PCDHA7: variants seen among roughly 807,000 people sequenced by gnomAD.
PCDHA7 encodes protocadherin alpha 7.
PCDHA7 carries 37 observed loss-of-function variants against 57.2 expected under a neutral mutation model. The ratio of observed to expected loss-of-function variants is 0.65; its 90% CI spans 0.50 to 0.85. The LOEUF (loss-of-function observed/expected upper bound fraction) is 0.85. PCDHA7 is among the 40% of genes least tolerant of loss of function. PCDHA7 has a pLI of 0.00. For synonymous variants in PCDHA7, 553 were observed against 558.8 expected, an observed-to-expected ratio of 0.99 and a Z score of 0.15; for missense variants, 1,188 against 1,241.8, an observed-to-expected ratio of 0.96 and a Z score of 0.65.
chr5:140,842,875 C>A (rs2150347019), intron 1 of PCDHA7: 1 of 1,593,980 alleles, frequency 6.3e-7, no homozygotes, highest in Non-Finnish European at 8.6e-7. Flanking sequence ...GCAAGGTGTA[C>A]GCGCTGCAGC....
intron 1 of PCDHA7, among the ~76,000 whole-genome samples, chr5:140,962,792 T>C (rs1554226245): frequency 6.6e-6 from 1 of 152,234 alleles, no homozygotes; most frequent in African/African-American, 2.4e-5. Context: ...AAAAACTACT[T>C]TGGACAACTC....
At chr5:140,940,055 C>G (rs1179353318) in intron 1 of PCDHA7, among the ~76,000 whole-genome samples, 1 of 152,064 alleles carries the variant, frequency 6.6e-6, no homozygotes, top group Non-Finnish European at 1.5e-5. Context: ...GATTCTTAAC[C>G]AAATATAAAT....
intron 1 of PCDHA7, chr5:140,853,297 G>A: frequency 2.0e-6 from 2 of 981,768 alleles, no homozygotes; most frequent in African/African-American, 3.5e-5. Context: ...TCTCAGAAGG[G>A]CTGTGAACAC....
intron 1 of PCDHA7, among the ~76,000 whole-genome samples, chr5:140,924,841 G>C (rs891279703): frequency 1.1e-4 from 17 of 151,378 alleles, no homozygotes; most frequent in South Asian, 2.1e-4. Context: ...GTTGCAGGGA[G>C]CTCAGATCGT....
intron 1 of PCDHA7, among the ~76,000 whole-genome samples, chr5:140,894,240 ATTTTC>A (rs2064382890): frequency 6.6e-6 from 1 of 151,828 alleles, no homozygotes; most frequent in African/African-American, 2.4e-5. Flanking sequence ...TGACAATGTA[ATTTTC>A]TTTTCTTTAC....
At chr5:140,911,312 T>C (rs2075424091) in intron 1 of PCDHA7, among the ~76,000 whole-genome samples, 1 of 152,154 alleles carries the variant, frequency 6.6e-6, no homozygotes, top group African/African-American at 2.4e-5. Context: ...CCATTCCAAG[T>C]TTCAGGATCC....
intron 1 of PCDHA7, among the ~76,000 whole-genome samples, chr5:140,886,622 C>T (rs1483241958): frequency 6.6e-6 from 1 of 151,430 alleles, no homozygotes; most frequent in Non-Finnish European, 1.5e-5. Context: ...GATCAGGAGT[C>T]CGAGACCAGC....
chr5:140,966,953 C>A, intron 1 of PCDHA7: 1 of 1,603,802 alleles, frequency 6.2e-7, no homozygotes. Flanking sequence ...CAACGTGGCT[C>A]GCGCGCTGGG....
At chr5:140,974,040 T>C (rs1554235767) in intron 1 of PCDHA7, among the ~76,000 whole-genome samples, 2 of 152,260 alleles carry the variant, frequency 1.3e-5, no homozygotes, top group African/African-American at 4.8e-5. Context: ...TTTAGCTTAT[T>C]AATATGATAA....
chr5:140,869,809 A>G, intron 1 of PCDHA7: 15 of 1,612,564 alleles, frequency 9.3e-6, no homozygotes, highest in Non-Finnish European at 1.3e-5. Flanking sequence ...CTTGGATGTC[A>G]ACGACAATGA....
At chr5:140,960,748 A>C (rs1408249489) in intron 1 of PCDHA7, among the ~76,000 whole-genome samples, 1 of 152,008 alleles carries the variant, frequency 6.6e-6, no homozygotes, top group Non-Finnish European at 1.5e-5. Flanking sequence ...TCCATGGCTA[A>C]AATCCCAAGA....
rs957445106 is a variant in PCDHA7, at chr5:140,980,862, G to A, written c.2415-1613G>A. Among the ~76,000 whole-genome samples the A allele has an allele frequency of 5.1e-4, 77 of 152,202 alleles. 2 individuals are homozygous for A. Among genetic ancestry groups the A allele is most frequent in the African/African-American group, 1.7e-3 (72 of 41,546 alleles). ...AATAATACTAATCTTTTTCGTATGT[G>A]TGCTTGGGTGTTCTCGGTCTTTCCA... On this transcript the variant is annotated intron_variant, in intron 2 of 3. Coordinates refer to ENST00000525929, the MANE Select transcript of PCDHA7 (RefSeq NM_018910.3).
rs2150455221 is a variant in PCDHA7 at position 140,849,869 on chromosome 5, C to T, written c.2355+13131C>T. 12 of 1,598,574 alleles carry T rather than the reference C, an allele frequency of 7.5e-6. No homozygotes were observed. In the South Asian group the frequency reaches 8.8e-5, roughly 12 times the overall value. ...ACAACGCACCAGCGTTCGCGCAGTC[C>T]GAGTACACGGTGTTCGTGAAGGAGA... On this transcript the variant is annotated intron_variant, in intron 1 of 3. Transcript: ENST00000525929.
chr5:140,850,221 G>T (rs2041438830), intron 1 of PCDHA7: 1 of 1,593,734 alleles, frequency 6.3e-7, no homozygotes, highest in Non-Finnish European at 8.6e-7. Context: ...CACTGACGGC[G>T]CAGTGAGCGA....
intron 3 of PCDHA7, among the ~76,000 whole-genome samples, chr5:140,983,425 C>A (rs1252010683): frequency 6.6e-6 from 1 of 152,198 alleles, no homozygotes; most frequent in Non-Finnish European, 1.5e-5. Context: ...GTAGAGACCA[C>A]AAATTGTGTC....
chr5:140,868,792 CCATAAATAAG>C (rs2050654448), intron 1 of PCDHA7: 1 of 326,666 alleles, frequency 3.1e-6, no homozygotes, highest in African/African-American at 2.1e-5. Flanking sequence ...TCTGAATATT[CCATAAATAAG>C]CACGTTGGAA....
At chr5:140,858,053 G>C (rs1233644213) in intron 1 of PCDHA7, 5 of 1,597,600 alleles carry the variant, frequency 3.1e-6, no homozygotes, top group Non-Finnish European at 4.3e-6. Flanking sequence ...TGTGTCGCTT[G>C]TGGAGGGCAG....
chr5:140,961,776 A>G (rs1554225585), intron 1 of PCDHA7, among the ~76,000 whole-genome samples: 1 of 152,188 alleles, frequency 6.6e-6, no homozygotes, highest in African/African-American at 2.4e-5. Flanking sequence ...ATCAAGCTTA[A>G]TGGCACTTTT....
chr5:140,905,891 G>A (rs1486335678), intron 1 of PCDHA7, among the ~76,000 whole-genome samples: 2 of 152,162 alleles, frequency 1.3e-5, no homozygotes, highest in African/African-American at 4.8e-5. Context: ...TAGGCCATCT[G>A]CAAGCTGAGG....
Sources: allele counts gnomAD v4.1 joint callset (sites outside exome capture counted in the v4.1 genomes callset), GRCh38; gene constraint gnomAD v4.1.1; transcripts MANE v1.5; gene names NCBI Gene and HGNC (gene_info 2026-07-23, HGNC 2026-07-21).